Variants in CNTNAP2 observed in about 807,000 individuals in gnomAD.
The protein encoded by CNTNAP2 is contactin-associated protein-like 2.
CNTNAP2 carries 98 observed loss-of-function variants against 155.2 expected under a neutral mutation model. The ratio of observed to expected loss-of-function variants is 0.63; its 90% confidence interval spans 0.54 to 0.75. The LOEUF (loss-of-function observed/expected upper bound fraction) is 0.75, where lower values mean the gene tolerates loss of function less well. CNTNAP2 is among the 30% of genes least tolerant of loss of function. The pLI is 0.00. For synonymous variants in CNTNAP2, 651 were observed against 631.2 expected, an observed-to-expected ratio of 1.03 and a Z score of -0.47; for missense variants, 1,727 against 1,688.1, an observed-to-expected ratio of 1.02 and a Z score of -0.40.
intron 14 of CNTNAP2, among the ~76,000 whole-genome samples, chr7:147,957,411 T>C (rs1221785045): frequency 2.6e-5 from 4 of 152,094 alleles, no homozygotes; most frequent in African/African-American, 4.8e-5. Context: ...AAATACTGTA[T>C]TTGAGAACCA....
At chr7:146,309,578 G>A (rs528232042) in intron 1 of CNTNAP2, among the ~76,000 whole-genome samples, 1 of 152,178 alleles carries the variant, frequency 6.6e-6, no homozygotes, top group East Asian at 1.9e-4. Flanking sequence ...GAGGCAGGTG[G>A]ATCACCTAAG....
At chr7:146,898,070 T>C (rs1169291247) in intron 3 of CNTNAP2, among the ~76,000 whole-genome samples, 3 of 152,054 alleles carry the variant, frequency 2.0e-5, no homozygotes, top group Non-Finnish European at 4.4e-5. Context: ...TAGAATAATA[T>C]ACATGGACAT....
chr7:147,087,950 C>T (rs888593354), intron 4 of CNTNAP2, among the ~76,000 whole-genome samples: 1 of 152,040 alleles, frequency 6.6e-6, no homozygotes, highest in Non-Finnish European at 1.5e-5. Flanking sequence ...GCACTCCAGC[C>T]TAGGCAACAC....
At chr7:147,317,696 A>G (rs1795255992) in intron 9 of CNTNAP2, among the ~76,000 whole-genome samples, 1 of 152,118 alleles carries the variant, frequency 6.6e-6, no homozygotes, top group South Asian at 2.1e-4. Context: ...ATAAAGATAT[A>G]TGAATTAGGG....
intron 2 of CNTNAP2, among the ~76,000 whole-genome samples, chr7:146,811,783 T>C (rs546857897): frequency 7.2e-5 from 11 of 152,236 alleles, no homozygotes; most frequent in Admixed American, 1.3e-4. Flanking sequence ...TTGGGGGTGG[T>C]TACTCCCATG....
intron 1 of CNTNAP2, among the ~76,000 whole-genome samples, chr7:146,366,270 C>T (rs1168788855): frequency 2.0e-5 from 3 of 151,448 alleles, no homozygotes; most frequent in Admixed American, 6.6e-5. Flanking sequence ...TTTTTTTATC[C>T]GTTAGTCTAG....
At chr7:146,589,926 T>TAG (rs1320653290) in intron 1 of CNTNAP2, among the ~76,000 whole-genome samples, 15 of 152,090 alleles carry the variant, frequency 9.9e-5, no homozygotes, top group African/African-American at 3.4e-4. Flanking sequence ...AAGAATAGAA[T>TAG]AGAGCACAAA....
At chr7:147,067,273 G>A (rs1373099094) in intron 4 of CNTNAP2, among the ~76,000 whole-genome samples, 1 of 119,538 alleles carries the variant, frequency 8.4e-6, no homozygotes. Flanking sequence ...CCTGGTGACA[G>A]AGTGAGACTC....
chr7:148,331,690 CGGATGGAGTGGAT>C (rs1484084723), intron 21 of CNTNAP2, among the ~76,000 whole-genome samples: 5 of 145,972 alleles, frequency 3.4e-5, no homozygotes, highest in Non-Finnish European at 6.1e-5. Context: ...ATGGAATGGA[CGGATGGAGTGGAT>C]GGATGGAGTG....
chr7:147,623,962 C>G (rs886720282), intron 12 of CNTNAP2, among the ~76,000 whole-genome samples: 3 of 152,036 alleles, frequency 2.0e-5, no homozygotes, highest in Admixed American at 6.6e-5. Flanking sequence ...CAAATCCACA[C>G]AGCTACAGCG....
intron 10 of CNTNAP2, among the ~76,000 whole-genome samples, chr7:147,398,302 C>G (rs1796854023): frequency 6.6e-6 from 1 of 151,852 alleles, no homozygotes. Context: ...CTACAACTTT[C>G]TTTTCAGATT....
At chr7:146,447,054 T>C (rs1796412435) in intron 1 of CNTNAP2, among the ~76,000 whole-genome samples, 1 of 152,038 alleles carries the variant, frequency 6.6e-6, no homozygotes, top group Non-Finnish European at 1.5e-5. Flanking sequence ...TTCAAAACAG[T>C]ATCTTAGGAA....
intron 13 of CNTNAP2, among the ~76,000 whole-genome samples, chr7:147,806,813 A>G (rs552866213): frequency 1.3e-5 from 2 of 152,192 alleles, no homozygotes; most frequent in Non-Finnish European, 2.9e-5. Context: ...TCATGGAGGT[A>G]GAGAGTAGAA....
At chr7:147,490,885 G>C (rs185616182) in intron 11 of CNTNAP2, among the ~76,000 whole-genome samples, 2 of 152,132 alleles carry the variant, frequency 1.3e-5, no homozygotes, top group Admixed American at 1.3e-4. Flanking sequence ...ATGGTGGCAG[G>C]AGAGAGAATT....
At chr7:147,019,326 T>A (rs73740564) in intron 3 of CNTNAP2, among the ~76,000 whole-genome samples, 3,680 of 152,118 alleles carry the variant, frequency 0.024, 99 homozygotes, top group African/African-American at 0.08. Context: ...TAACACTCAA[T>A]AAATGCATGA....
intron 8 of CNTNAP2, among the ~76,000 whole-genome samples, chr7:147,179,534 G>T (rs1212971180): frequency 6.6e-6 from 1 of 152,178 alleles, no homozygotes. Context: ...GCATGTGAGT[G>T]AGAATAATAT....
chr7:148,375,197 T>G (rs1188039268), intron 21 of CNTNAP2, among the ~76,000 whole-genome samples: 1 of 151,622 alleles, frequency 6.6e-6, no homozygotes, highest in Non-Finnish European at 1.5e-5. Flanking sequence ...TTTTTGGTAC[T>G]GTGTAATTAC....
chr7:148,283,309 A>G (rs1324305069), intron 21 of CNTNAP2, among the ~76,000 whole-genome samples: 1 of 73,422 alleles, frequency 1.4e-5, no homozygotes, highest in Non-Finnish European at 2.7e-5. Flanking sequence ...GAAAGAAAGG[A>G]AGGAAGGAAG....
At chr7:146,471,596 A>G (rs928865492) in intron 1 of CNTNAP2, among the ~76,000 whole-genome samples, 3 of 152,246 alleles carry the variant, frequency 2.0e-5, no homozygotes, top group African/African-American at 7.2e-5. Flanking sequence ...TGCCTCACAC[A>G]TAGTAGTTTC....
Sources: gnomAD v4.1 joint callset for allele counts (sites outside exome capture counted in the v4.1 genomes callset) on GRCh38, gnomAD v4.1.1 for gene constraint, MANE v1.5 for transcripts, NCBI Gene and HGNC (gene_info 2026-07-23, HGNC 2026-07-21) for gene names.